Variants in CDH18 observed in about 807,000 individuals in gnomAD.
CDH18 encodes the protein cadherin 18.
Under a neutral mutation model 67.9 loss-of-function variants are expected in CDH18, and 31 were observed. The ratio of observed to expected loss-of-function variants is 0.46; its 90% CI spans 0.34 to 0.62. The LOEUF is 0.62. Among genes scored for constraint, CDH18 ranks in the 20% least tolerant of loss-of-function variants. The pLI is 0.01. For missense variants in CDH18, 890 were observed against 975.5 expected, an observed-to-expected ratio of 0.91 and a Z score of 1.17; for synonymous variants, 362 against 347.2, an observed-to-expected ratio of 1.04 and a Z score of -0.48.
chr5:19,789,866 GAATA>G (rs1776179823), intron 3 of CDH18, among the ~76,000 whole-genome samples: 2 of 151,536 alleles, frequency 1.3e-5, no homozygotes, highest in African/African-American at 4.8e-5. Flanking sequence ...AATAATAAAT[GAATA>G]TACAGTATAT....
At chr5:20,555,391 C>A (rs1348902000) in intron 1 of CDH18, among the ~76,000 whole-genome samples, 1 of 112,474 alleles carries the variant, frequency 8.9e-6, no homozygotes, top group Non-Finnish European at 1.9e-5. Context: ...AAGCCAGAAC[C>A]ACCAAGACAA....
At chr5:20,068,341 A>G (rs1436801086) in intron 2 of CDH18, among the ~76,000 whole-genome samples, 1 of 152,128 alleles carries the variant, frequency 6.6e-6, no homozygotes, top group African/African-American at 2.4e-5. Context: ...GAACAGAAAC[A>G]ATACTACATC....
intron 3 of CDH18, among the ~76,000 whole-genome samples, chr5:19,808,604 T>C (rs1778292508): frequency 6.6e-6 from 1 of 151,736 alleles, no homozygotes; most frequent in Admixed American, 6.6e-5. Flanking sequence ...GGTGGGTGAA[T>C]CACCTGAGGT....
At chr5:20,448,867 G>A (rs1327333861) in intron 1 of CDH18, among the ~76,000 whole-genome samples, 1 of 152,094 alleles carries the variant, frequency 6.6e-6, no homozygotes, top group Non-Finnish European at 1.5e-5. Context: ...AACAAGCAAA[G>A]CCTTTCCATT....
chr5:20,505,868 T>C (rs563280252), intron 1 of CDH18, among the ~76,000 whole-genome samples: 1 of 152,352 alleles, frequency 6.6e-6, no homozygotes, highest in South Asian at 2.1e-4. Context: ...GCATTGGACT[T>C]GCAGAGCATA....
intron 5 of CDH18, among the ~76,000 whole-genome samples, chr5:19,647,574 T>C (rs914187472): frequency 7.6e-6 from 1 of 131,270 alleles, no homozygotes; most frequent in Non-Finnish European, 1.6e-5. Flanking sequence ...CCTATTGTAG[T>C]GGACTCTGGA....
At chr5:19,485,821 C>T (rs1288831873) in intron 11 of CDH18, among the ~76,000 whole-genome samples, 1 of 152,078 alleles carries the variant, frequency 6.6e-6, no homozygotes, top group Non-Finnish European at 1.5e-5. Flanking sequence ...GACACTGGTC[C>T]CTGAATCTCA....
At chr5:19,713,479 G>A (rs1259310483) in intron 5 of CDH18, among the ~76,000 whole-genome samples, 1 of 151,984 alleles carries the variant, frequency 6.6e-6, no homozygotes, top group South Asian at 2.1e-4. Context: ...GTTTCATCTA[G>A]GGCTACAACG....
chr5:19,975,753 C>T (rs1441209477), intron 2 of CDH18, among the ~76,000 whole-genome samples: 2 of 152,106 alleles, frequency 1.3e-5, no homozygotes, highest in Non-Finnish European at 1.5e-5. Context: ...AAATGTTTGG[C>T]ATTTCTTTTA....
intron 3 of CDH18, among the ~76,000 whole-genome samples, chr5:19,818,570 G>A (rs540758572): frequency 6.6e-5 from 10 of 152,192 alleles, no homozygotes; most frequent in African/African-American, 9.6e-5. Flanking sequence ...GAAGTGCATC[G>A]TTAAGCAATT....
chr5:19,695,166 C>A (rs1410033662), intron 5 of CDH18, among the ~76,000 whole-genome samples: 1 of 152,130 alleles, frequency 6.6e-6, no homozygotes, highest in Non-Finnish European at 1.5e-5. Flanking sequence ...ATAGAATTAT[C>A]ATTCCAGATC....
At chr5:20,106,885 C>T (rs193212703) in intron 2 of CDH18, among the ~76,000 whole-genome samples, 1 of 152,246 alleles carries the variant, frequency 6.6e-6, no homozygotes, top group African/African-American at 2.4e-5. Context: ...TATAACATGA[C>T]AAAAATCATT....
intron 1 of CDH18, among the ~76,000 whole-genome samples, chr5:20,429,316 A>G (rs2150172481): frequency 6.6e-6 from 1 of 152,270 alleles, no homozygotes; most frequent in South Asian, 2.1e-4. Flanking sequence ...AGTGTTTAAT[A>G]AAAAAGAAGA....
chr5:20,572,534 T>C (rs1758874007), intron 1 of CDH18, among the ~76,000 whole-genome samples: 1 of 152,166 alleles, frequency 6.6e-6, no homozygotes, highest in Non-Finnish European at 1.5e-5. Flanking sequence ...ATAGGATATA[T>C]CTCATTTACC....
chr5:20,048,248 C>T (rs113171610), intron 2 of CDH18, among the ~76,000 whole-genome samples: 2 of 151,440 alleles, frequency 1.3e-5, no homozygotes, highest in African/African-American at 2.4e-5. Context: ...GAAGAAGGAA[C>T]CGGTCAAATG....
chr5:20,227,293 C>T (rs572016154), intron 2 of CDH18, among the ~76,000 whole-genome samples: 2 of 152,098 alleles, frequency 1.3e-5, no homozygotes, highest in African/African-American at 2.4e-5. Context: ...TTGGTTCCCA[C>T]ATTTTTGCTG....
intron 2 of CDH18, among the ~76,000 whole-genome samples, chr5:19,904,499 T>C (rs1790326297): frequency 6.6e-6 from 1 of 151,666 alleles, no homozygotes; most frequent in African/African-American, 2.4e-5. Flanking sequence ...GATTTAAGTA[T>C]CTATGCCTAC....
At chr5:19,999,376 T>C (rs1736262768) in intron 2 of CDH18, among the ~76,000 whole-genome samples, 1 of 152,048 alleles carries the variant, frequency 6.6e-6, no homozygotes, top group Non-Finnish European at 1.5e-5. Context: ...AAGGCGGGTG[T>C]ATCACCTGAG....
At chr5:19,732,788 C>A (rs1421454592) in intron 4 of CDH18, among the ~76,000 whole-genome samples, 1 of 152,100 alleles carries the variant, frequency 6.6e-6, no homozygotes, top group Admixed American at 6.5e-5. Context: ...TATCTGTTAT[C>A]TTCGGCACTA....
Sources: allele counts gnomAD v4.1 joint callset (sites outside exome capture counted in the v4.1 genomes callset), GRCh38; gene constraint gnomAD v4.1.1; transcripts MANE v1.5; gene names NCBI Gene and HGNC (gene_info 2026-07-23, HGNC 2026-07-21).